SNX2: variants seen among roughly 807,000 people sequenced by gnomAD.
The protein encoded by SNX2 is sorting nexin 2, also known as sorting nexin-2.
SNX2 carries 25 observed loss-of-function variants against 69.9 expected under a neutral mutation model. The ratio of observed to expected loss-of-function variants is 0.36; its 90% CI spans 0.26 to 0.50. The LOEUF (loss-of-function observed/expected upper bound fraction) is 0.50, where lower values mean the gene tolerates loss of function less well. SNX2 is among the 20% of genes least tolerant of loss of function. The probability of loss-of-function intolerance (pLI) is 0.97; values close to 1 mark genes in which losing one functional copy is unlikely to be tolerated. For synonymous variants in SNX2, 229 were observed against 200.4 expected, an observed-to-expected ratio of 1.14 and a Z score of -1.20; for missense variants, 551 against 613.3, an observed-to-expected ratio of 0.90 and a Z score of 1.07.
At chr5:122,790,153 C>G (rs1035135999) in intron 1 of SNX2, among the ~76,000 whole-genome samples, 1 of 152,088 alleles carries the variant, frequency 6.6e-6, no homozygotes, top group Non-Finnish European at 1.5e-5. Flanking sequence ...GAGTCTTACT[C>G]TGTTGCCCAG....
At chr5:122,821,490 C>T (rs1232522097) in intron 11 of SNX2, among the ~76,000 whole-genome samples, 3 of 149,794 alleles carry the variant, frequency 2.0e-5, no homozygotes, top group African/African-American at 7.4e-5. Flanking sequence ...GAGACTCGCT[C>T]TGTCGCCCAG....
intron 10 of SNX2, among the ~76,000 whole-genome samples, chr5:122,818,263 C>T (rs1753945700): frequency 6.6e-6 from 1 of 152,104 alleles, no homozygotes; most frequent in African/African-American, 2.4e-5. Flanking sequence ...GAAATGATCA[C>T]ATTCTAAATC....
In SNX2 at chr5:122,829,939, C is replaced by T. The variant is rs1019672515; in HGVS notation, c.*291C>T. The T allele has an allele frequency of 3.0e-5, 11 of 362,564 alleles. No homozygotes were observed. Among genetic ancestry groups the T allele is most frequent in the African/African-American group, 2.3e-4 (11 of 48,070 alleles). The allele number at this position is 362,564 out of a possible 1,614,324, so 22.5% of individuals were successfully genotyped here. A position where few individuals can be genotyped will look rare whatever the true frequency, so the allele number is the denominator to read the frequency against. ...TTAAATACTTGCACTAAATAGTGCA[C>T]TGCAAGACCAGAAAATTTTACAATA... On this transcript the variant is annotated 3_prime_UTR_variant, in exon 15 of 15. Transcript: ENST00000379516.
At chr5:122,794,400 C>G (rs1016809368) in intron 1 of SNX2, among the ~76,000 whole-genome samples, 2 of 152,070 alleles carry the variant, frequency 1.3e-5, no homozygotes, top group Non-Finnish European at 2.9e-5. Context: ...TAGTTTGAAG[C>G]GATAGAAATT....
intron 7 of SNX2, among the ~76,000 whole-genome samples, chr5:122,811,299 T>G (rs920684851): frequency 1.3e-5 from 2 of 152,184 alleles, no homozygotes; most frequent in Admixed American, 6.5e-5. Context: ...AGAGACTGCT[T>G]CTATTAAGAG....
chr5:122,799,895 A>G (rs1753471875), intron 3 of SNX2, 40 bp downstream of exon 3: 1 of 1,501,022 alleles, frequency 6.7e-7, no homozygotes, highest in Non-Finnish European at 9.1e-7. Context: ...GTAAATATAT[A>G]CCTTTTTTCC....
intron 6 of SNX2, among the ~76,000 whole-genome samples, chr5:122,806,114 G>A (rs1324292154): frequency 2.0e-4 from 16 of 81,310 alleles, no homozygotes; most frequent in Non-Finnish European, 2.2e-4. Flanking sequence ...GTGTGTGTGC[G>A]TGTGTGTATA....
At chr5:122,799,600 A>G in intron 2 of SNX2, 92 bp from the exon 3 acceptor site, 1 of 753,966 alleles carries the variant, frequency 1.3e-6, no homozygotes, top group South Asian at 3.7e-5. Context: ...TGGGTAATAT[A>G]AAAATATTTT....
chr5:122,781,146 G>T (rs2149999988), intron 1 of SNX2, among the ~76,000 whole-genome samples: 1 of 152,300 alleles, frequency 6.6e-6, no homozygotes, highest in South Asian at 2.1e-4. Flanking sequence ...TTGCGACAGG[G>T]ATGCTCAGCT....
intron 7 of SNX2, among the ~76,000 whole-genome samples, chr5:122,808,908 G>A (rs1753709123): frequency 6.6e-6 from 1 of 152,034 alleles, no homozygotes; most frequent in Non-Finnish European, 1.5e-5. Context: ...TAAATACAGT[G>A]AGAAGTACAG....
intron 8 of SNX2, among the ~76,000 whole-genome samples, chr5:122,816,695 G>T (rs1219040003): frequency 1.3e-5 from 2 of 152,018 alleles, no homozygotes; most frequent in Non-Finnish European, 2.9e-5. Context: ...AAAAGCAAAT[G>T]GAAAGTCTAT....
In SNX2 at chr5:122,834,453, C is replaced by T. The variant is rs949334059; in HGVS notation, c.*4805C>T. The T allele has an allele frequency of 5.9e-5, 9 of 151,990 alleles. No homozygotes were observed. Among genetic ancestry groups the T allele is most frequent in the African/African-American group, 2.2e-4 (9 of 41,376 alleles). 9.4% of individuals were successfully genotyped at this position (151,990 alleles called of 1,614,324 possible). On this transcript the variant is annotated 3_prime_UTR_variant, in exon 15 of 15. Transcript: ENST00000379516. ...ATTAAGGTCAGTTAATGGGATAAAC[C>T]GTTTTAAGAGAGTTGAGAAAAAATA...
At chr5:122,809,442 G>T (rs1266581242) in intron 7 of SNX2, among the ~76,000 whole-genome samples, 5 of 152,212 alleles carry the variant, frequency 3.3e-5, no homozygotes, top group Non-Finnish European at 7.3e-5. Context: ...AAGGGGGACA[G>T]ATGGGAGGAT....
chr5:122,779,468 T>C (rs986202047), intron 1 of SNX2, among the ~76,000 whole-genome samples: 2 of 152,320 alleles, frequency 1.3e-5, no homozygotes, highest in East Asian at 3.9e-4. Context: ...GGTTTCTAGG[T>C]CTGTAGCACG....
chr5:122,816,664 C>G (rs1025353729), intron 8 of SNX2, among the ~76,000 whole-genome samples: 5 of 152,156 alleles, frequency 3.3e-5, no homozygotes, highest in African/African-American at 9.6e-5. Context: ...TTTGTTCCAT[C>G]TAAATGTAAA....
At position 122,791,697 on chromosome 5, in the gene SNX2, G is replaced by A. The variant is rs1024766710; in HGVS notation, c.109-3569G>A. On this transcript the variant is annotated intron_variant, in intron 1 of 14. Transcript: ENST00000379516. ...CTCCCAGAGTGCTGGGATTACAGGCGTAAGCCACCGCGCCTGGCCCTCAAT... is the reference window on the plus strand; with the variant it reads ...CTCCCAGAGTGCTGGGATTACAGGCATAAGCCACCGCGCCTGGCCCTCAAT... 1.4e-4 allele frequency among the ~76,000 whole-genome samples: 22 copies of A among 152,282 alleles called. 1 individual carries two copies. Among genetic ancestry groups the A allele is most frequent in the East Asian group, 5.8e-4 (3 of 5,180 alleles).
At chr5:122,819,899 G>A (rs1346587741) in intron 11 of SNX2, among the ~76,000 whole-genome samples, 2 of 152,116 alleles carry the variant, frequency 1.3e-5, no homozygotes, top group African/African-American at 4.8e-5. Flanking sequence ...TAAGCAACTG[G>A]TGACATTTAT....
chr5:122,782,595 GGCACA>G (rs1475118948), intron 1 of SNX2, among the ~76,000 whole-genome samples: 15 of 151,502 alleles, frequency 9.9e-5, no homozygotes, highest in South Asian at 2.1e-4. Flanking sequence ...GAGAGCAGTT[GGCACA>G]ATCTCTGCTC....
intron 3 of SNX2, 120 bp from the exon 4 acceptor site, chr5:122,801,749 G>T (rs953289474): frequency 1.9e-5 from 12 of 642,552 alleles, no homozygotes; most frequent in South Asian, 4.1e-5. Flanking sequence ...ATGAAGTGCT[G>T]GGTGGCTAAA....
Sources: gnomAD v4.1 joint callset for allele counts (sites outside exome capture counted in the v4.1 genomes callset) on GRCh38, gnomAD v4.1.1 for gene constraint, MANE v1.5 for transcripts, NCBI Gene and HGNC (gene_info 2026-07-23, HGNC 2026-07-21) for gene names.